WWOX: variants seen among roughly 807,000 people sequenced by gnomAD.
WWOX encodes the protein WW domain-containing oxidoreductase.
WWOX carries 69 observed loss-of-function variants against 46.2 expected under a neutral mutation model. That is an observed-to-expected ratio of 1.49 (90% CI 1.23 to 1.82). The LOEUF (loss-of-function observed/expected upper bound fraction) is 1.82, where lower values mean the gene tolerates loss of function less well. Among genes scored for constraint, WWOX ranks in the 40% most tolerant of loss-of-function variants. The pLI is 0.00. For missense variants in WWOX, 919 were observed against 542.6 expected, an observed-to-expected ratio of 1.69 and a Z score of -6.89; for synonymous variants, 359 against 202.6, an observed-to-expected ratio of 1.77 and a Z score of -6.56.
chr16:79,175,099 G>T (rs1300738289), intron 8 of WWOX, among the ~76,000 whole-genome samples: 5 of 152,170 alleles, frequency 3.3e-5, no homozygotes, highest in African/African-American at 1.2e-4. Context: ...CTTCTCTAGT[G>T]TTTGGGATTT....
At chr16:78,133,939 A>G (rs539418823) in intron 4 of WWOX, among the ~76,000 whole-genome samples, 6 of 152,322 alleles carry the variant, frequency 3.9e-5, no homozygotes, top group South Asian at 4.1e-4. Flanking sequence ...TGGACTGTAG[A>G]TGCCTTCCAT....
At chr16:79,009,577 C>A (rs535927219) in intron 8 of WWOX, among the ~76,000 whole-genome samples, 1 of 152,080 alleles carries the variant, frequency 6.6e-6, no homozygotes, top group Non-Finnish European at 1.5e-5. Flanking sequence ...AAGCGATTCT[C>A]CTGCCTCAGC....
chr16:78,643,029 A>G (rs2046757088), intron 8 of WWOX, among the ~76,000 whole-genome samples: 1 of 152,134 alleles, frequency 6.6e-6, no homozygotes. Context: ...CACAAAGTAA[A>G]TGTTAGTGCT....
At chr16:78,700,384 AT>A (rs1597462044) in intron 8 of WWOX, among the ~76,000 whole-genome samples, 2 of 148,466 alleles carry the variant, frequency 1.3e-5, no homozygotes, top group East Asian at 2.0e-4. Flanking sequence ...TGTGTCTTTC[AT>A]TCATGAGAAC....
chr16:79,149,558 C>G (rs2050239437), intron 8 of WWOX, among the ~76,000 whole-genome samples: 1 of 152,178 alleles, frequency 6.6e-6, no homozygotes, highest in Non-Finnish European at 1.5e-5. Flanking sequence ...GAATATAGCT[C>G]CCTTCCTAGG....
chr16:78,418,859 G>C (rs2082860262), intron 6 of WWOX, among the ~76,000 whole-genome samples: 1 of 152,004 alleles, frequency 6.6e-6, no homozygotes, highest in South Asian at 2.1e-4. Flanking sequence ...GAAAGATTGA[G>C]TACCGTCCCC....
At chr16:79,010,913 G>T (rs1042214500) in intron 8 of WWOX, among the ~76,000 whole-genome samples, 5 of 151,972 alleles carry the variant, frequency 3.3e-5, no homozygotes, top group Non-Finnish European at 7.4e-5. Flanking sequence ...ATGTTGTGTG[G>T]GACCTCGGAG....
intron 6 of WWOX, among the ~76,000 whole-genome samples, chr16:78,388,645 C>CAAAAAAAA (rs59881601): frequency 1.9e-5 from 1 of 53,048 alleles, no homozygotes; most frequent in East Asian, 6.2e-4. Flanking sequence ...GACTCCGTCT[C>CAAAAAAAA]AAAAAAAAAA....
intron 8 of WWOX, among the ~76,000 whole-genome samples, chr16:78,864,265 T>C (rs1269050312): frequency 2.7e-5 from 4 of 149,384 alleles, no homozygotes; most frequent in African/African-American, 7.3e-5. Flanking sequence ...TTTTTTACTT[T>C]ACAGATTTTT....
intron 8 of WWOX, among the ~76,000 whole-genome samples, chr16:78,557,419 C>A (rs895088871): frequency 1.3e-5 from 2 of 152,144 alleles, no homozygotes; most frequent in Non-Finnish European, 2.9e-5. Context: ...CAGATGTTAG[C>A]ACGTGCAGGC....
In WWOX at chr16:78,767,748, G is replaced by C. The variant is rs146925503; in HGVS notation, c.1056+334996G>C. Reference sequence around the variant, plus strand: ...AATACTTATTTTACTTAAAAAAATAGAATAGCCATCTGAGTGAAGTGTTAC... The same window carrying C: ...AATACTTATTTTACTTAAAAAAATACAATAGCCATCTGAGTGAAGTGTTAC... On this transcript the variant is annotated intron_variant, in intron 8 of 8. Transcript: ENST00000566780. Among the ~76,000 whole-genome samples, 3 of 152,094 alleles carry C rather than the reference G, an allele frequency of 2.0e-5. 1 individual carries two copies. The highest frequency in any genetic ancestry group is 4.2e-4 in the South Asian group (2 of 4,818).
chr16:78,978,319 T>A (rs2046613473), intron 8 of WWOX, among the ~76,000 whole-genome samples: 1 of 152,214 alleles, frequency 6.6e-6, no homozygotes, highest in African/African-American at 2.4e-5. Context: ...TATGAGTATT[T>A]GGGTTCCTGT....
At chr16:78,791,902 C>A (rs1337534881) in intron 8 of WWOX, among the ~76,000 whole-genome samples, 1 of 152,030 alleles carries the variant, frequency 6.6e-6, no homozygotes, top group Non-Finnish European at 1.5e-5. Context: ...ACAACAACAA[C>A]AAACAAACAA....
chr16:78,528,499 G>C (rs2043537579), intron 8 of WWOX, among the ~76,000 whole-genome samples: 1 of 152,082 alleles, frequency 6.6e-6, no homozygotes, highest in Non-Finnish European at 1.5e-5. Flanking sequence ...ATTGATTCAT[G>C]ATGACTTTAA....
intron 8 of WWOX, among the ~76,000 whole-genome samples, chr16:78,438,347 A>T (rs888560595): frequency 6.6e-6 from 1 of 152,146 alleles, no homozygotes; most frequent in Non-Finnish European, 1.5e-5. Context: ...GCTTTGTCCA[A>T]TGCACGGTAA....
At chr16:78,273,781 G>A (rs1378369178) in intron 5 of WWOX, among the ~76,000 whole-genome samples, 3 of 152,218 alleles carry the variant, frequency 2.0e-5, no homozygotes, top group Non-Finnish European at 4.4e-5. Context: ...AGGACAGAAG[G>A]CTAGTTTGGG....
chr16:78,753,570 C>T (rs1435575306), intron 8 of WWOX, among the ~76,000 whole-genome samples: 1 of 151,696 alleles, frequency 6.6e-6, no homozygotes, highest in Non-Finnish European at 1.5e-5. Flanking sequence ...GAGGCCAAGG[C>T]AGGTAGTTTG....
chr16:78,163,389 C>G (rs992833765), intron 4 of WWOX, among the ~76,000 whole-genome samples: 1 of 152,160 alleles, frequency 6.6e-6, no homozygotes, highest in Non-Finnish European at 1.5e-5. Flanking sequence ...GGATCCCGAC[C>G]CAAGGTTTGG....
intron 8 of WWOX, among the ~76,000 whole-genome samples, chr16:78,629,296 C>G (rs2046376306): frequency 1.3e-5 from 2 of 150,816 alleles, no homozygotes; most frequent in Non-Finnish European, 2.9e-5. Context: ...TTAGGCCTTC[C>G]TTTGTCTCCC....
Sources: gnomAD v4.1 joint callset for allele counts (sites outside exome capture counted in the v4.1 genomes callset) on GRCh38, gnomAD v4.1.1 for gene constraint, MANE v1.5 for transcripts, NCBI Gene and HGNC (gene_info 2026-07-23, HGNC 2026-07-21) for gene names.